The following ZNF385A variants were observed in gnomAD, a reference collection of about 807,000 sequenced individuals.
ZNF385A encodes zinc finger protein 385A, also known as hematopoietic zinc finger protein.
In ZNF385A, 14 loss-of-function variants were observed where a neutral mutation model predicts 32.1. The ratio of observed to expected loss-of-function variants is 0.44; its 90% CI spans 0.29 to 0.68. The LOEUF (loss-of-function observed/expected upper bound fraction) is 0.68. Among genes scored for constraint, ZNF385A ranks in the 30% least tolerant of loss-of-function variants. ZNF385A has a pLI of 0.14. For synonymous variants in ZNF385A, 197 were observed against 202.7 expected (o/e 0.97, Z 0.24); for missense variants, 406 against 478.4 (o/e 0.85, Z 1.41).
intron 1 of ZNF385A, among the ~76,000 whole-genome samples, chr12:54,380,568 C>A (rs934508839): frequency 6.6e-6 from 1 of 152,184 alleles, no homozygotes; most frequent in African/African-American, 2.4e-5. Flanking sequence ...ACACTCTCTC[C>A]CTTGGCTTCT....
Position 54,371,672 on chromosome 12 carries a change from C to T in ZNF385A, c.405G>A (p.Glu135=). The T allele has an allele frequency of 6.2e-6, 10 of 1,609,600 alleles. No homozygotes were observed. Among genetic ancestry groups the T allele is most frequent in the Non-Finnish European group, 8.5e-6 (10 of 1,178,684 alleles). The part of the protein sequence containing the change: ...NGLGPAPGSP[E]KQPGSPSPPS... ...GAGGGGATGGGGAGCCAGGCTGTTT[C>T]TCTGGGGATCCTGGGGCTGGCCCCA... Residue 135 remains glutamate (E), a synonymous_variant, in exon 4 of 7, where the codon GAG becomes GAA. Transcript: ENST00000394313.
chr12:54,370,665 C>T lies in ZNF385A; in HGVS notation c.831G>A (p.Leu277=). The change falls in exon 6 of 7, where the codon CTG becomes CTA. Residue 277 remains leucine, a synonymous_variant. Transcript: ENST00000394313. The surrounding 1 kb of genome is among the most constrained non-coding windows in gnomAD (Gnocchi z 5.5). ...DGVAGKPNPL[L]SRHKKSRGAG... ...CGCCCCTAGACTTCTTGTGACGGCT[C>T]AGTAGTGGGTTGGGCTTCCCGGCCA... is the stretch of plus-strand genomic sequence containing the variant. The T allele has an allele frequency of 6.2e-7, 1 of 1,605,914 alleles. No homozygotes were observed. Among genetic ancestry groups the T allele is most frequent in the Non-Finnish European group, 8.5e-7 (1 of 1,177,164 alleles).
chr12:54,386,338 C>T (rs904082568), upstream of ZNF385A, among the ~76,000 whole-genome samples: 10 of 151,744 alleles, frequency 6.6e-5, no homozygotes, highest in Non-Finnish European at 1.3e-4. Flanking sequence ...TGTCAGAGAG[C>T]GAAATCAGAC....
Position 54,371,453 on chromosome 12 carries a change from G to C in ZNF385A, c.604+20C>G, listed in dbSNP as rs747680037. The C allele has an allele frequency of 2.5e-6, 4 of 1,595,066 alleles. No individual in the cohort carries two copies. The highest frequency in any genetic ancestry group is 1.8e-5 in the Admixed American group (1 of 55,946). ...GGCCTGAGGACAGGAGAGTCTGGGTGGGGGCAGGGGAGTCCATACCTTTGT... is the reference window on the plus strand; with the variant it reads ...GGCCTGAGGACAGGAGAGTCTGGGTCGGGGCAGGGGAGTCCATACCTTTGT... On this transcript the variant is annotated intron_variant, in intron 4 of 6. Transcript: ENST00000394313.
At chr12:54,373,719 A>C (rs1954683375) in intron 3 of ZNF385A, among the ~76,000 whole-genome samples, 1 of 152,106 alleles carries the variant, frequency 6.6e-6, no homozygotes, top group Non-Finnish European at 1.5e-5. Flanking sequence ...GCCTCACCCT[A>C]GCCCCTCTCT....
intron 3 of ZNF385A, among the ~76,000 whole-genome samples, chr12:54,373,332 G>A (rs1016038958): frequency 2.0e-5 from 3 of 152,068 alleles, no homozygotes; most frequent in Admixed American, 6.5e-5. Flanking sequence ...GGATGGGGGT[G>A]GCTCATCATA....
chr12:54,385,558 G>C, upstream of ZNF385A: 1 of 879,794 alleles, frequency 1.1e-6, no homozygotes, highest in Non-Finnish European at 1.4e-6. Flanking sequence ...GGGTTCCCAG[G>C]AACAAAGGCA....
At chr12:54,375,807 C>G in intron 2 of ZNF385A, 37 bp downstream of exon 2, 1 of 1,586,198 alleles carries the variant, frequency 6.3e-7, no homozygotes, top group Non-Finnish European at 8.7e-7. Flanking sequence ...CTGCCCCTGC[C>G]CCACCCACTG....
At chr12:54,387,734 CA>C (rs1177762899), upstream of ZNF385A, among the ~76,000 whole-genome samples, 10 of 152,280 alleles carry the variant, frequency 6.6e-5, no homozygotes, top group African/African-American at 2.4e-4. Context: ...AGTGAGAACT[CA>C]ATAAATATTT....
chr12:54,382,202 G>A (rs1170504163), intron 1 of ZNF385A, among the ~76,000 whole-genome samples: 1 of 151,412 alleles, frequency 6.6e-6, no homozygotes, highest in Non-Finnish European at 1.5e-5. Flanking sequence ...GGAGTAGCTG[G>A]GAGTACAGGC....
At chr12:54,380,417 C>T (rs1043075665) in intron 1 of ZNF385A, among the ~76,000 whole-genome samples, 3 of 152,204 alleles carry the variant, frequency 2.0e-5, no homozygotes, top group African/African-American at 7.2e-5. Context: ...AGTGACTGAA[C>T]TGGGATTTGA....
At chr12:54,388,212 T>C (rs1340550331), upstream of ZNF385A, among the ~76,000 whole-genome samples, 1 of 152,126 alleles carries the variant, frequency 6.6e-6, no homozygotes, top group Non-Finnish European at 1.5e-5. Flanking sequence ...AATTGCTAAA[T>C]GCTTTATTAA....
chr12:54,374,123 C>A lies in ZNF385A; in HGVS notation c.211G>T (p.Ala71Ser). The part of the protein sequence containing the change: ...IRFNSQSQAE[A>S]HYKGNRHARR... The stretch of plus-strand genomic sequence containing the variant: ...GCGTGGCGATTACCTTTGTAGTGCG[C>A]CTCAGCCTGGCTCTTTAGGGATGGA... The change falls in exon 3 of 7, where the codon GCG (alanine) becomes TCG (serine). Residue 71 changes from alanine (A) to serine (S), a missense_variant. Transcript: ENST00000394313. 2 of 1,527,680 alleles carry A rather than the reference C, an allele frequency of 1.3e-6. No individual in the cohort carries two copies. The highest frequency in any genetic ancestry group is 1.2e-5 in the South Asian group (1 of 80,738). 94.6% of individuals were successfully genotyped at this position (1,527,680 alleles called of 1,614,324 possible).
At chr12:54,382,447 A>C (rs995142681) in intron 1 of ZNF385A, among the ~76,000 whole-genome samples, 8 of 152,156 alleles carry the variant, frequency 5.3e-5, no homozygotes, top group Non-Finnish European at 1.2e-4. Context: ...CTGTGGTATA[A>C]CGATAAGTCT....
chr12:54,375,395 G>C (rs1219076726), intron 2 of ZNF385A, among the ~76,000 whole-genome samples: 1 of 152,190 alleles, frequency 6.6e-6, no homozygotes, highest in Non-Finnish European at 1.5e-5. Context: ...AAGGAAGCCA[G>C]AAAGTTAGAG....
Position 54,384,593 on chromosome 12 carries a change from G to A in ZNF385A, c.-79C>T, listed in dbSNP as rs1006507357. 5 of 1,432,770 alleles carry A rather than the reference G, an allele frequency of 3.5e-6. No individual in the cohort carries two copies. Among genetic ancestry groups the A allele is most frequent in the Non-Finnish European group, 4.6e-6 (5 of 1,093,476 alleles). The allele number at this position is 1,432,770 out of a possible 1,614,324, so 88.8% of individuals were successfully genotyped here. On this transcript the variant is annotated 5_prime_UTR_variant, in exon 1 of 7. Coordinates refer to ENST00000394313, the MANE Select transcript of ZNF385A (RefSeq NM_015481.3). ...AAGGGCAGAGAAAACATTCTGTGGG[G>A]TAGGAAGATTAAAGCTTGGGAACCC...
At chr12:54,379,091 TC>T in intron 1 of ZNF385A, 1 of 981,148 alleles carries the variant, frequency 1.0e-6, no homozygotes, top group Non-Finnish European at 1.2e-6. Context: ...GGGCCGCGGC[TC>T]CATGGCCCGG....
intron 1 of ZNF385A, among the ~76,000 whole-genome samples, chr12:54,378,000 A>G (rs1446929318): frequency 6.6e-6 from 1 of 152,168 alleles, no homozygotes; most frequent in Non-Finnish European, 1.5e-5. Flanking sequence ...CATCCATACC[A>G]TGAGAATGGT....
chr12:54,388,046 AGTGTGT>A (rs10665764), upstream of ZNF385A, among the ~76,000 whole-genome samples: 8,414 of 140,474 alleles, frequency 0.06, 384 homozygotes, highest in South Asian at 0.24. Context: ...AGTGTGTGTA[AGTGTGT>A]GTGTGTGTGT....
Sources: allele counts gnomAD v4.1 joint callset (sites outside exome capture counted in the v4.1 genomes callset), GRCh38; gene constraint gnomAD v4.1.1; non-coding constraint Gnocchi (gnomAD v3.1); transcripts MANE v1.5; gene names NCBI Gene and HGNC (gene_info 2026-07-23, HGNC 2026-07-21).